Variants in CYB5R4 observed in about 807,000 individuals in gnomAD.
The protein encoded by CYB5R4 is N-terminal cytochrome b5 and cytochrome b5 oxidoreductase domain-containing protein.
A neutral mutation model predicts 70.2 loss-of-function variants in CYB5R4; 55 were observed. The observed-to-expected ratio is 0.78, with a 90% CI of 0.63 to 0.98. The LOEUF is 0.98. Among genes scored for constraint, CYB5R4 ranks in the 50% least tolerant of loss-of-function variants. The pLI is 0.00. For synonymous variants in CYB5R4, 197 were observed against 199.5 expected, an observed-to-expected ratio of 0.99 and a Z score of 0.11; for missense variants, 562 against 612.6, an observed-to-expected ratio of 0.92 and a Z score of 0.87.
At position 83,955,471 on chromosome 6, in the gene CYB5R4, C is replaced by T. The variant is rs1485467985; in HGVS notation, c.1511+9C>T. ...ACAGAACAAGGAGTAAGGTGAGTAA[C>T]AGTGTAGTAGGAAACAGACTGCCCA... On this transcript the variant is annotated intron_variant, in intron 15 of 15. Coordinates refer to ENST00000369681, the MANE Select transcript of CYB5R4 (RefSeq NM_016230.4). 1 of 1,611,598 alleles carries T rather than the reference C, an allele frequency of 6.2e-7. No individual in the cohort carries two copies. Among genetic ancestry groups the T allele is most frequent in the Non-Finnish European group, 8.5e-7 (1 of 1,178,504 alleles).
intron 2 of CYB5R4, among the ~76,000 whole-genome samples, chr6:83,877,461 G>A (rs572513227): frequency 1.1e-4 from 16 of 151,468 alleles, no homozygotes; most frequent in Middle Eastern, 3.4e-3. Flanking sequence ...TTAAAATTGG[G>A]CATCTGCATC....
At chr6:83,886,813 A>G (rs1205032497) in intron 2 of CYB5R4, among the ~76,000 whole-genome samples, 1 of 152,196 alleles carries the variant, frequency 6.6e-6, no homozygotes, top group Non-Finnish European at 1.5e-5. Flanking sequence ...AAATTAGATA[A>G]TGAGACCACT....
chr6:83,922,809 G>C (rs920187874), intron 9 of CYB5R4, among the ~76,000 whole-genome samples: 1 of 151,528 alleles, frequency 6.6e-6, no homozygotes, highest in Non-Finnish European at 1.5e-5. Flanking sequence ...TTGTGTGTGA[G>C]ATGGGGTCTC....
chr6:83,936,550 A>T (rs1469937553), intron 12 of CYB5R4, among the ~76,000 whole-genome samples, 174 bp downstream of exon 12: 2 of 151,934 alleles, frequency 1.3e-5, no homozygotes, highest in African/African-American at 4.8e-5. Flanking sequence ...CCTTATTTTT[A>T]TTATTTGCAG....
intron 2 of CYB5R4, among the ~76,000 whole-genome samples, chr6:83,889,012 A>G (rs1358619653): frequency 3.9e-5 from 6 of 152,268 alleles, no homozygotes; most frequent in African/African-American, 1.4e-4. Flanking sequence ...GATTTAGAGC[A>G]GAATGCTAAC....
chr6:83,870,689 A>G (rs528377866), intron 2 of CYB5R4, among the ~76,000 whole-genome samples: 136 of 152,078 alleles, frequency 8.9e-4, no homozygotes, highest in Non-Finnish European at 1.4e-3. Flanking sequence ...TACTATCATC[A>G]TTACTTTCTT....
chr6:83,860,353 G>A (rs529409573), intron 1 of CYB5R4, among the ~76,000 whole-genome samples: 95 of 152,200 alleles, frequency 6.2e-4, no homozygotes, highest in Admixed American at 1.7e-3. Context: ...AGCTAGGTCA[G>A]GTTTACAGAC....
chr6:83,919,921 A>G (rs1317845459), intron 7 of CYB5R4, among the ~76,000 whole-genome samples: 1 of 152,064 alleles, frequency 6.6e-6, no homozygotes, highest in Non-Finnish European at 1.5e-5. Flanking sequence ...TGTTTAAACC[A>G]CTAATGGTGT....
At chr6:83,955,860 G>A (rs1424701878) in intron 15 of CYB5R4, among the ~76,000 whole-genome samples, 4 of 152,080 alleles carry the variant, frequency 2.6e-5, no homozygotes, top group African/African-American at 2.4e-5. Flanking sequence ...GTAACTGAGT[G>A]AAAGTAAATA....
In CYB5R4 at chr6:83,966,950, G is replaced by C; in HGVS notation, c.*7072G>C. 1 of 152,072 alleles carries C rather than the reference G, an allele frequency of 6.6e-6. No individual in the cohort carries two copies. The highest frequency in any genetic ancestry group is 1.9e-4 in the East Asian group (1 of 5,190). 9.4% of individuals were successfully genotyped at this position (152,072 alleles called of 1,614,324 possible). A position where few individuals can be genotyped will look rare whatever the true frequency, so the allele number is the denominator to read the frequency against. On this transcript the variant is annotated 3_prime_UTR_variant, in exon 16 of 16. Transcript: ENST00000369681. Reference sequence around the variant, plus strand: ...TAGTAAAATTACTGAACCATGAAAAGTAAATGCCTTTAGTTATCTAAACAA... The same window carrying C: ...TAGTAAAATTACTGAACCATGAAAACTAAATGCCTTTAGTTATCTAAACAA...
intron 4 of CYB5R4, among the ~76,000 whole-genome samples, chr6:83,913,291 G>A (rs1400477571): frequency 1.3e-5 from 2 of 152,180 alleles, no homozygotes; most frequent in Non-Finnish European, 2.9e-5. Context: ...TTGAAGTATA[G>A]TTTAAATGGT....
In CYB5R4 at chr6:83,957,180, A is replaced by G. The variant is rs148174648; in HGVS notation, c.1511+1718A>G. ...GCTCTTTTAAAGCTCAAGCAAAACTATTAAAATTACAATGAAGACTAACAT... is the reference window on the plus strand; with the variant it reads ...GCTCTTTTAAAGCTCAAGCAAAACTGTTAAAATTACAATGAAGACTAACAT... On this transcript the variant is annotated intron_variant, in intron 15 of 15. Transcript: ENST00000369681. 2.4e-3 allele frequency among the ~76,000 whole-genome samples: 359 copies of G among 152,224 alleles called. 8 individuals carry two copies. The highest frequency in any genetic ancestry group is 1.1e-3 in the Non-Finnish European group (75 of 68,006).
chr6:83,892,749 G>A (rs2099461293), intron 2 of CYB5R4, among the ~76,000 whole-genome samples: 1 of 152,030 alleles, frequency 6.6e-6, no homozygotes, highest in Non-Finnish European at 1.5e-5. Context: ...TCAGAGACGT[G>A]GATTAGAGCT....
At chr6:83,928,090 G>A (rs1031425725) in intron 10 of CYB5R4, among the ~76,000 whole-genome samples, 5 of 152,158 alleles carry the variant, frequency 3.3e-5, no homozygotes, top group African/African-American at 1.2e-4. Flanking sequence ...TTCTTTTAGT[G>A]TCTTTTTACA....
chr6:83,912,228 ATGT>A (rs1022882546), intron 4 of CYB5R4, among the ~76,000 whole-genome samples: 15 of 151,970 alleles, frequency 9.9e-5, no homozygotes, highest in African/African-American at 2.9e-4. Context: ...GTTTCTGTTG[ATGT>A]TGTTGTTGTT....
chr6:83,938,352 G>A (rs2099469236), intron 12 of CYB5R4, among the ~76,000 whole-genome samples: 1 of 152,172 alleles, frequency 6.6e-6, no homozygotes, highest in Non-Finnish European at 1.5e-5. Context: ...AGAACAAGAT[G>A]AAGTATTATT....
At chr6:83,954,207 C>A (rs1331309345) in intron 14 of CYB5R4, among the ~76,000 whole-genome samples, 2 of 152,092 alleles carry the variant, frequency 1.3e-5, no homozygotes, top group East Asian at 3.9e-4. Flanking sequence ...AAAAATCTTT[C>A]ATTAAAGAAT....
chr6:83,879,510 A>G (rs1389818228), intron 2 of CYB5R4, among the ~76,000 whole-genome samples: 1 of 152,096 alleles, frequency 6.6e-6, no homozygotes, highest in Non-Finnish European at 1.5e-5. Context: ...GCCCCTTTCC[A>G]TCAATAGATG....
chr6:83,940,247 G>T, intron 13 of CYB5R4, 41 bp downstream of exon 13: 1 of 1,547,002 alleles, frequency 6.5e-7, no homozygotes, highest in African/African-American at 1.4e-5. Context: ...TTTTGAGGCT[G>T]TTATATTAGT....
Sources: gnomAD v4.1 joint callset for allele counts (sites outside exome capture counted in the v4.1 genomes callset) on GRCh38, gnomAD v4.1.1 for gene constraint, MANE v1.5 for transcripts, NCBI Gene and HGNC (gene_info 2026-07-23, HGNC 2026-07-21) for gene names.